NUP214: variants seen among roughly 807,000 people sequenced by gnomAD.
NUP214 encodes nucleoporin 214.
NUP214 carries 79 observed loss-of-function variants against 196.2 expected under a neutral mutation model. The ratio of observed to expected loss-of-function variants is 0.40; its 90% CI spans 0.34 to 0.49. The LOEUF is 0.49. Ranked by LOEUF, NUP214 falls within the 20% of genes least tolerant of loss-of-function variation. The pLI, the probability that NUP214 is intolerant of heterozygous loss-of-function variation, is 0.58. For missense variants in NUP214, 2,468 were observed against 2,539.0 expected (o/e 0.97, Z 0.60); for synonymous variants, 1,020 against 990.5 (o/e 1.03, Z -0.56).
intron 7 of NUP214, among the ~76,000 whole-genome samples, chr9:131,133,971 G>C (rs1831639018): frequency 6.6e-6 from 1 of 152,068 alleles, no homozygotes; most frequent in Admixed American, 6.6e-5. Flanking sequence ...TTTAGAGACA[G>C]AATCTCACTC....
intron 21 of NUP214, among the ~76,000 whole-genome samples, chr9:131,170,541 C>G (rs2133575927): frequency 6.6e-6 from 1 of 152,186 alleles, no homozygotes; most frequent in South Asian, 2.1e-4. Context: ...AGATTAATTG[C>G]TAAAAATTTA....
At chr9:131,167,130 G>C (rs1014231210) in intron 21 of NUP214, 1 of 152,156 alleles carries the variant, frequency 6.6e-6, no homozygotes, top group Non-Finnish European at 1.5e-5. Flanking sequence ...CATTGTGTAA[G>C]TTGTCATTCT....
chr9:131,167,848 T>G (rs537068280), intron 21 of NUP214, among the ~76,000 whole-genome samples: 1 of 152,344 alleles, frequency 6.6e-6, no homozygotes, highest in South Asian at 2.1e-4. Context: ...CTTTGCCTTT[T>G]TGTCCTCTTA....
chr9:131,127,574 G>A lies in NUP214; in HGVS notation c.96G>A (p.Glu32=), dbSNP rs760874247. 9.9e-6 allele frequency: 16 copies of A among 1,613,998 alleles called. No homozygotes were observed. The highest frequency in any genetic ancestry group is 1.3e-5 in the African/African-American group (1 of 74,904). Reference sequence around the variant, plus strand: ...AGGTGAGAATCTTTGACTCCCCTGAGGAATTGCCCAAGGAACGCTCGAGTC... The same window carrying A: ...AGGTGAGAATCTTTGACTCCCCTGAAGAATTGCCCAAGGAACGCTCGAGTC... The part of the protein sequence containing the change: ...LKKVRIFDSP[E]ELPKERSSLL... The change falls in exon 2 of 36, where the codon GAG becomes GAA. Residue 32 remains glutamate (E), a synonymous_variant. Transcript: ENST00000359428.
chr9:131,132,416 G>A (rs766992443), intron 5 of NUP214, among the ~76,000 whole-genome samples, 180 bp from the exon 6 acceptor site: 2 of 152,122 alleles, frequency 1.3e-5, no homozygotes, highest in Non-Finnish European at 2.9e-5. Flanking sequence ...ACCCAGCCAC[G>A]TTCATGGGTT....
In NUP214 at chr9:131,135,027, G is replaced by A. The variant is rs758580307; in HGVS notation, c.938+23G>A. ...ATGGTGAGCAGAGAGTCTGGACAGG[G>A]CATTCCTGCTCTCACTGGAAGATCA... is the stretch of plus-strand genomic sequence containing the variant. On this transcript the variant is annotated intron_variant, in intron 8 of 35. Coordinates refer to ENST00000359428, the MANE Select transcript of NUP214 (RefSeq NM_005085.4). The A allele has an allele frequency of 5.3e-6, 8 of 1,496,242 alleles. 1 individual carries two copies. The South Asian group carries it at 5.7e-5, about 11-fold the overall frequency. The allele number at this position is 1,496,242 out of a possible 1,614,324, so 92.7% of individuals were successfully genotyped here. A position where few individuals can be genotyped will look rare whatever the true frequency, so the allele number is the denominator to read the frequency against.
rs1834522146 is a variant in NUP214 at position 131,220,252 on chromosome 9, T to C, written c.5750-2526T>C. Among the ~76,000 whole-genome samples, 3 of 152,232 alleles carry C rather than the reference T, an allele frequency of 2.0e-5. No individual in the cohort carries two copies. The South Asian group carries it at 6.2e-4, about 32-fold the overall frequency. On this transcript the variant is annotated intron_variant, in intron 31 of 35. Transcript: ENST00000359428. ...GGTCCGCCAAGATATTCTCTTATGG[T>C]AATATGAGAATATGGTAACATATTT... is the stretch of plus-strand genomic sequence containing the variant.
chr9:131,147,134 GTACCA>G (rs1177537393), intron 13 of NUP214, among the ~76,000 whole-genome samples: 4 of 151,872 alleles, frequency 2.6e-5, no homozygotes, highest in African/African-American at 9.7e-5. Context: ...CTACAGGCAT[GTACCA>G]CCACCGTCGG....
At chr9:131,173,329 T>C (rs2133585777) in intron 21 of NUP214, among the ~76,000 whole-genome samples, 1 of 151,516 alleles carries the variant, frequency 6.6e-6, no homozygotes. Context: ...GTGCTGGGAT[T>C]ACAGGCTTGA....
At chr9:131,144,830 ACT>A (rs1409915720) in intron 12 of NUP214, 76 bp downstream of exon 12, 2 of 1,158,216 alleles carry the variant, frequency 1.7e-6, no homozygotes, top group Non-Finnish European at 2.4e-6. Flanking sequence ...AAGTAGAGTC[ACT>A]CTGAGAGGAG....
At chr9:131,159,043 T>TAA (rs1198905838) in intron 17 of NUP214, 1 of 181,164 alleles carries the variant, frequency 5.5e-6, no homozygotes, top group East Asian at 1.5e-4. Context: ...AATTTTGTTT[T>TAA]TCATTTTAAT....
intron 7 of NUP214, among the ~76,000 whole-genome samples, chr9:131,134,002 A>C (rs765984883): frequency 3.9e-5 from 6 of 152,154 alleles, no homozygotes; most frequent in Non-Finnish European, 8.8e-5. Context: ...GCTGGCATGT[A>C]GTGGTGCGAT....
intron 17 of NUP214, among the ~76,000 whole-genome samples, chr9:131,156,746 T>C (rs1832462694): frequency 1.3e-5 from 2 of 152,172 alleles, no homozygotes; most frequent in South Asian, 4.1e-4. Context: ...TTTAGGGTTT[T>C]TTAGGTACAT....
intron 30 of NUP214, among the ~76,000 whole-genome samples, chr9:131,214,036 G>T (rs1294064725): frequency 6.6e-6 from 1 of 152,148 alleles, no homozygotes; most frequent in Admixed American, 6.5e-5. Context: ...CTGCTGTGTG[G>T]ACGTAGACTG....
At position 131,216,816 on chromosome 9, in the gene NUP214, C is replaced by T. The variant is rs1235276144; in HGVS notation, c.5749+1448C>T. Among the ~76,000 whole-genome samples, 5 of 152,168 alleles carry T rather than the reference C, an allele frequency of 3.3e-5. No homozygotes were observed. The East Asian group carries it at 7.7e-4, about 23-fold the overall frequency. On this transcript the variant is annotated intron_variant, in intron 31 of 35. Transcript: ENST00000359428. ...TGCTGGGATTACAGGCGTGAGCCAC[C>T]GTGCTCGGCCTTAAAAGTTATTTGT...
At chr9:131,170,310 TA>T (rs956320999) in intron 21 of NUP214, among the ~76,000 whole-genome samples, 1 of 152,102 alleles carries the variant, frequency 6.6e-6, no homozygotes, top group African/African-American at 2.4e-5. Flanking sequence ...ACTCCGTCTT[TA>T]AAAAAAGAAA....
chr9:131,201,377 G>A (rs1044892510), intron 29 of NUP214, among the ~76,000 whole-genome samples: 87 of 151,758 alleles, frequency 5.7e-4, no homozygotes, highest in Non-Finnish European at 2.1e-4. Context: ...CTGCACTCCA[G>A]CCTGGGCGAC....
intron 31 of NUP214, among the ~76,000 whole-genome samples, chr9:131,221,502 T>TAGC (rs1159401825): frequency 6.6e-6 from 1 of 152,170 alleles, no homozygotes; most frequent in Non-Finnish European, 1.5e-5. Context: ...AGTTGGTTGG[T>TAGC]AGCAGCATGA....
chr9:131,206,117 C>G (rs1157448475), intron 30 of NUP214, among the ~76,000 whole-genome samples: 1 of 93,932 alleles, frequency 1.1e-5, no homozygotes, highest in Non-Finnish European at 2.3e-5. Flanking sequence ...GGTAAATTTA[C>G]ATTATTCCAC....
Sources: allele counts gnomAD v4.1 joint callset (sites outside exome capture counted in the v4.1 genomes callset), GRCh38; gene constraint gnomAD v4.1.1; transcripts MANE v1.5; gene names NCBI Gene and HGNC (gene_info 2026-07-23, HGNC 2026-07-21).